AGMO: variants seen among roughly 807,000 people sequenced by gnomAD.
AGMO encodes glyceryl-ether monooxygenase.
A neutral mutation model predicts 60.2 loss-of-function variants in AGMO; 75 were observed. That is an observed-to-expected ratio of 1.25 (90% CI 1.03 to 1.51). The LOEUF (loss-of-function observed/expected upper bound fraction) is 1.51, where lower values mean the gene tolerates loss of function less well. Among genes scored for constraint, AGMO ranks in the 40% most tolerant of loss-of-function variants. AGMO has a pLI of 0.00. For missense variants in AGMO, 763 were observed against 525.5 expected, an observed-to-expected ratio of 1.45 and a Z score of -4.42; for synonymous variants, 261 against 177.1, an observed-to-expected ratio of 1.47 and a Z score of -3.76.
intron 3 of AGMO, among the ~76,000 whole-genome samples, chr7:15,442,294 C>A (rs1242745970): frequency 1.3e-5 from 2 of 152,104 alleles, no homozygotes; most frequent in Non-Finnish European, 2.9e-5. Flanking sequence ...TTAGTTTGTT[C>A]TTTCTTCTAT....
the AGMO span, among the ~76,000 whole-genome samples, chr7:15,142,426 G>A: frequency 6.6e-6 from 1 of 152,070 alleles, no homozygotes; most frequent in African/African-American, 2.4e-5. Flanking sequence ...ATCTAGAAAG[G>A]TTTCTTTTCA....
intron 12 of AGMO, among the ~76,000 whole-genome samples, chr7:15,227,316 C>G (rs2128498492): frequency 1.3e-5 from 2 of 152,056 alleles, no homozygotes; most frequent in South Asian, 4.2e-4. Context: ...TACTGATCAA[C>G]CATGTCCATG....
In AGMO at chr7:15,446,293, T is replaced by A. The variant is rs574371744; in HGVS notation, c.410-15185A>T. Among the ~76,000 whole-genome samples, 114 of 152,264 alleles carry A rather than the reference T, an allele frequency of 7.5e-4. 1 individual carries two copies. The highest frequency in any genetic ancestry group is 2.6e-3 in the African/African-American group (109 of 41,546). ...ATTAAAACAATGATTTAAGTACATT[T>A]CTCCTAGTAATTCTCTCTTTCCCTG... On this transcript the variant is annotated intron_variant, in intron 3 of 12. Coordinates refer to ENST00000342526, the MANE Select transcript of AGMO (RefSeq NM_001004320.2).
chr7:15,170,245 G>A, the AGMO span, among the ~76,000 whole-genome samples: 6 of 152,252 alleles, frequency 3.9e-5, no homozygotes, highest in Admixed American at 2.6e-4. Flanking sequence ...TGAGAGTATC[G>A]ACCTTACCTC....
intron 10 of AGMO, among the ~76,000 whole-genome samples, chr7:15,378,201 A>G (rs1783529531): frequency 6.6e-6 from 1 of 151,910 alleles, no homozygotes; most frequent in African/African-American, 2.4e-5. Flanking sequence ...GTGGCTTTTT[A>G]TTTTAAAAAA....
At chr7:15,339,391 TTGAGGA>T (rs1463968469) in intron 12 of AGMO, among the ~76,000 whole-genome samples, 1 of 152,184 alleles carries the variant, frequency 6.6e-6, no homozygotes, top group Non-Finnish European at 1.5e-5. Context: ...ACTGAGTTAT[TTGAGGA>T]TAAGTACACT....
the AGMO span, among the ~76,000 whole-genome samples, chr7:15,126,288 G>T: frequency 6.6e-6 from 1 of 152,004 alleles, no homozygotes; most frequent in Admixed American, 6.6e-5. Context: ...TATAAATGAG[G>T]TGTTTGTATA....
At chr7:15,191,013 G>C in the AGMO span, among the ~76,000 whole-genome samples, 3 of 152,072 alleles carry the variant, frequency 2.0e-5, no homozygotes, top group Middle Eastern at 3.4e-3. Context: ...CTGCAACCAA[G>C]CAAAATTCAT....
intron 2 of AGMO, among the ~76,000 whole-genome samples, chr7:15,545,495 T>TAC (rs951406795): frequency 3.8e-4 from 57 of 151,736 alleles, no homozygotes; most frequent in African/African-American, 1.3e-3. Context: ...CACACACACA[T>TAC]ACACACACAT....
At chr7:15,146,718 T>C in the AGMO span, among the ~76,000 whole-genome samples, 2 of 152,184 alleles carry the variant, frequency 1.3e-5, no homozygotes, top group Non-Finnish European at 2.9e-5. Flanking sequence ...CATGCTTTCT[T>C]TTTGGAGGAC....
chr7:15,398,215 G>A (rs1784462764), intron 5 of AGMO, among the ~76,000 whole-genome samples: 1 of 152,164 alleles, frequency 6.6e-6, no homozygotes, highest in African/African-American at 2.4e-5. Flanking sequence ...GCAGCCAGAT[G>A]TAAAGCCACA....
the AGMO span, among the ~76,000 whole-genome samples, chr7:15,147,127 G>A: frequency 6.6e-6 from 1 of 152,024 alleles, no homozygotes; most frequent in Admixed American, 6.5e-5. Flanking sequence ...CCTCCTCAGG[G>A]TCCAAGGTGG....
chr7:15,378,639 CAG>C (rs1783552603), intron 10 of AGMO, among the ~76,000 whole-genome samples: 1 of 151,778 alleles, frequency 6.6e-6, no homozygotes, highest in Non-Finnish European at 1.5e-5. Flanking sequence ...ATCATCCAGA[CAG>C]AGAATTAACA....
chr7:15,324,162 C>G (rs1781266798), intron 12 of AGMO, among the ~76,000 whole-genome samples: 1 of 152,186 alleles, frequency 6.6e-6, no homozygotes, highest in Admixed American at 6.5e-5. Flanking sequence ...CAACCCAACA[C>G]TCAGCTAATA....
chr7:15,447,331 T>A (rs143240136), intron 3 of AGMO, among the ~76,000 whole-genome samples: 2 of 152,176 alleles, frequency 1.3e-5, no homozygotes, highest in Non-Finnish European at 2.9e-5. Context: ...CATTATAACA[T>A]GTTCCAGCTA....
chr7:15,461,333 A>C (rs551940552), intron 3 of AGMO, among the ~76,000 whole-genome samples: 6 of 145,106 alleles, frequency 4.1e-5, no homozygotes, highest in African/African-American at 1.3e-4. Context: ...TTCTATTTTC[A>C]AAAAAAAAAC....
chr7:15,184,356 AG>A, the AGMO span, among the ~76,000 whole-genome samples: 339 of 22,320 alleles, frequency 0.015, 7 homozygotes, highest in African/African-American at 0.093. Context: ...GAAGGGAGGG[AG>A]GGAAGGAAGG....
chr7:15,135,808 T>G, the AGMO span, among the ~76,000 whole-genome samples: 1 of 151,904 alleles, frequency 6.6e-6, no homozygotes, highest in East Asian at 1.9e-4. Flanking sequence ...AATATTCCCA[T>G]AGGAAAGATG....
intron 3 of AGMO, among the ~76,000 whole-genome samples, chr7:15,535,446 A>G (rs1784463636): frequency 6.6e-6 from 1 of 151,998 alleles, no homozygotes; most frequent in African/African-American, 2.4e-5. Flanking sequence ...ATAATAGTTT[A>G]GGAAATTAGT....
Sources: gnomAD v4.1 joint callset for allele counts (sites outside exome capture counted in the v4.1 genomes callset) on GRCh38, gnomAD v4.1.1 for gene constraint, MANE v1.5 for transcripts, NCBI Gene and HGNC (gene_info 2026-07-23, HGNC 2026-07-21) for gene names.